Variants in KCNQ5 observed in about 807,000 individuals in gnomAD.
The protein encoded by KCNQ5 is potassium voltage-gated channel subfamily KQT member 5.
Under a neutral mutation model 98.2 loss-of-function variants are expected in KCNQ5, and 30 were observed. The observed-to-expected ratio is 0.31, with a 90% CI of 0.23 to 0.41. The LOEUF (loss-of-function observed/expected upper bound fraction) is 0.41, where lower values mean the gene tolerates loss of function less well. Among genes scored for constraint, KCNQ5 ranks in the 10% least tolerant of loss-of-function variants. The pLI, the probability that KCNQ5 is intolerant of heterozygous loss-of-function variation, is 1.00. For missense variants in KCNQ5, 835 were observed against 1,182.5 expected (o/e 0.71, Z 4.31); for synonymous variants, 458 against 449.4 (o/e 1.02, Z -0.24).
At chr6:73,102,630 A>G (rs1444960362) in intron 5 of KCNQ5, among the ~76,000 whole-genome samples, 1 of 152,250 alleles carries the variant, frequency 6.6e-6, no homozygotes, top group Non-Finnish European at 1.5e-5. Context: ...ACAAACAGGC[A>G]TATGAAAAGG....
chr6:72,849,916 C>T (rs968917692), intron 1 of KCNQ5, among the ~76,000 whole-genome samples: 2 of 152,102 alleles, frequency 1.3e-5, no homozygotes, highest in Non-Finnish European at 2.9e-5. Context: ...TTATAATACA[C>T]ACCCCAAAAT....
intron 2 of KCNQ5, among the ~76,000 whole-genome samples, chr6:73,015,518 A>AT (rs775686517): frequency 6.6e-6 from 1 of 152,024 alleles, no homozygotes; most frequent in Non-Finnish European, 1.5e-5. Flanking sequence ...GAAGGAAAGA[A>AT]TTTTCCATAT....
intron 5 of KCNQ5, among the ~76,000 whole-genome samples, chr6:73,087,316 G>A (rs1325407904): frequency 6.6e-6 from 1 of 152,142 alleles, no homozygotes; most frequent in African/African-American, 2.4e-5. Flanking sequence ...GGGGAGTGAG[G>A]GAAATGAATA....
At chr6:72,950,202 A>G (rs1458835195) in intron 1 of KCNQ5, among the ~76,000 whole-genome samples, 1 of 152,234 alleles carries the variant, frequency 6.6e-6, no homozygotes, top group Non-Finnish European at 1.5e-5. Context: ...TTTTAAAAAA[A>G]TCTGTCTTGA....
At chr6:72,662,858 TAATA>T (rs1016979584) in intron 1 of KCNQ5, among the ~76,000 whole-genome samples, 92 of 152,330 alleles carry the variant, frequency 6.0e-4, no homozygotes, top group Non-Finnish European at 9.4e-4. Context: ...AATTGCTGAT[TAATA>T]AATAAACCGC....
intron 1 of KCNQ5, among the ~76,000 whole-genome samples, chr6:72,952,080 A>G (rs1370576255): frequency 6.6e-6 from 1 of 152,232 alleles, no homozygotes; most frequent in Non-Finnish European, 1.5e-5. Flanking sequence ...GTAAGTTTGC[A>G]AAGTTGAAGG....
chr6:73,141,461 A>T (rs937098915), intron 10 of KCNQ5, among the ~76,000 whole-genome samples: 1 of 152,212 alleles, frequency 6.6e-6, no homozygotes, highest in African/African-American at 2.4e-5. Context: ...CTGAAGTTCC[A>T]CCTGGCTTTC....
At chr6:73,086,544 T>C (rs967612409) in intron 5 of KCNQ5, among the ~76,000 whole-genome samples, 2 of 152,186 alleles carry the variant, frequency 1.3e-5, no homozygotes, top group Non-Finnish European at 2.9e-5. Flanking sequence ...CAGAGATTCC[T>C]GGGAGTTCTT....
chr6:72,895,114 T>TAAAAA lies in KCNQ5; in HGVS notation c.399-108773_399-108769dup, dbSNP rs71540357. ...TAACACGGTGAAACCCCATCTCTAC[T>TAAAAA]AAAAAAAAAAAAAAAAAAAAAAAAA... On this transcript the variant is annotated intron_variant, in intron 1 of 13. Coordinates refer to ENST00000370398, the MANE Select transcript of KCNQ5 (RefSeq NM_019842.4). Among the ~76,000 whole-genome samples, 133 of 89,246 alleles carry TAAAAA rather than the reference T, an allele frequency of 1.5e-3. 1 individual carries two copies. The highest frequency in any genetic ancestry group is 5.6e-3 in the African/African-American group (124 of 22,188). 58.5% of individuals were successfully genotyped at this position (89,246 alleles called of 152,430 possible).
At chr6:72,916,400 A>G (rs9293917) in intron 1 of KCNQ5, among the ~76,000 whole-genome samples, 94,738 of 152,026 alleles carry the variant, frequency 0.62, 30,078 homozygotes, top group East Asian at 0.8. Flanking sequence ...CAGGAGAATA[A>G]ACCAAAAGAA....
At chr6:73,171,080 T>C (rs973168164) in intron 11 of KCNQ5, among the ~76,000 whole-genome samples, 2 of 152,238 alleles carry the variant, frequency 1.3e-5, no homozygotes, top group African/African-American at 4.8e-5. Context: ...ATTTGCCCTA[T>C]AGCTGAGAGT....
At chr6:72,848,240 A>T (rs1162415065) in intron 1 of KCNQ5, among the ~76,000 whole-genome samples, 2 of 151,582 alleles carry the variant, frequency 1.3e-5, no homozygotes, top group African/African-American at 4.9e-5. Context: ...CAGAACATGC[A>T]GGTTTGTTAC....
chr6:72,774,908 G>T (rs1368513245), intron 1 of KCNQ5, among the ~76,000 whole-genome samples: 1 of 152,078 alleles, frequency 6.6e-6, no homozygotes, highest in Admixed American at 6.6e-5. Flanking sequence ...TTGGAAAACT[G>T]CATTATCTAC....
At chr6:73,126,717 C>T (rs1776000517) in intron 9 of KCNQ5, among the ~76,000 whole-genome samples, 1 of 152,082 alleles carries the variant, frequency 6.6e-6, no homozygotes, top group South Asian at 2.1e-4. Flanking sequence ...TTGGCAAAAA[C>T]CACCTTGAAA....
Position 73,010,880 on chromosome 6 carries a change from T to C in KCNQ5, c.489+6882T>C, listed in dbSNP as rs371719303. 2.0e-5 allele frequency among the ~76,000 whole-genome samples: 3 copies of C among 151,948 alleles called. No homozygotes were observed. The East Asian group carries it at 5.8e-4, about 29-fold the overall frequency. ...ATTGCTGAAATAAATTAATAAGACA[T>C]AAATAAATGGAAACTCATTCCCTGT... On this transcript the variant is annotated intron_variant, in intron 2 of 13. Coordinates refer to ENST00000370398, the MANE Select transcript of KCNQ5 (RefSeq NM_019842.4).
chr6:73,103,845 A>C (rs909937896), intron 5 of KCNQ5, among the ~76,000 whole-genome samples: 1 of 152,176 alleles, frequency 6.6e-6, no homozygotes, highest in Non-Finnish European at 1.5e-5. Context: ...GTACATTTTA[A>C]AATAATTAAG....
At chr6:72,848,767 G>A (rs1777118959) in intron 1 of KCNQ5, among the ~76,000 whole-genome samples, 1 of 152,148 alleles carries the variant, frequency 6.6e-6, no homozygotes, top group South Asian at 2.1e-4. Context: ...GTGATAGTGA[G>A]TGAGTTCTCA....
At chr6:72,945,802 A>G (rs1248580744) in intron 1 of KCNQ5, among the ~76,000 whole-genome samples, 1 of 152,176 alleles carries the variant, frequency 6.6e-6, no homozygotes, top group Non-Finnish European at 1.5e-5. Context: ...AAATTAACAT[A>G]TCCATTTTTC....
At chr6:73,058,708 A>C (rs1279867711) in intron 3 of KCNQ5, among the ~76,000 whole-genome samples, 1 of 152,220 alleles carries the variant, frequency 6.6e-6, no homozygotes, top group Non-Finnish European at 1.5e-5. Flanking sequence ...ATTTAAACAA[A>C]TTTATAAGCA....
Sources: allele counts gnomAD v4.1 joint callset (sites outside exome capture counted in the v4.1 genomes callset), GRCh38; gene constraint gnomAD v4.1.1; transcripts MANE v1.5; gene names NCBI Gene and HGNC (gene_info 2026-07-23, HGNC 2026-07-21).